MOSPD1: variants seen among roughly 807,000 people sequenced by gnomAD.
The protein encoded by MOSPD1 is motile sperm domain-containing protein 1.
In MOSPD1, 5 loss-of-function variants were observed where a neutral mutation model predicts 16.7. The observed-to-expected ratio is 0.30, with a 90% CI of 0.16 to 0.63. MOSPD1 has a LOEUF of 0.63. MOSPD1 is among the 30% of genes least tolerant of loss of function. MOSPD1 has a pLI of 0.82. For synonymous variants in MOSPD1, 67 were observed against 59.2 expected (o/e 1.13, Z -0.61); for missense variants, 104 against 153.6 (o/e 0.68, Z 1.71).
chrX:134,902,427 A>ATAAAT (rs397801364), intron 1 of MOSPD1, among the ~76,000 whole-genome samples: 1 of 110,153 alleles, frequency 9.1e-6, no homozygotes, highest in Non-Finnish European at 1.9e-5. Flanking sequence ...AAATAAATAA[A>ATAAAT]ACAAAAAACC....
chrX:134,911,621 G>A (rs941275529), intron 1 of MOSPD1, among the ~76,000 whole-genome samples: 23 of 112,316 alleles, frequency 2.0e-4, no homozygotes, highest in Non-Finnish European at 3.9e-4. Flanking sequence ...CTCACTGAGA[G>A]TTAGCAAATT....
chrX:134,894,522 T>C (rs1198588170), intron 4 of MOSPD1, among the ~76,000 whole-genome samples: 1 of 112,162 alleles, frequency 8.9e-6, no homozygotes, highest in Non-Finnish European at 1.9e-5. Flanking sequence ...TGTTGGAAAC[T>C]ACACATAAAT....
intron 1 of MOSPD1, among the ~76,000 whole-genome samples, chrX:134,900,736 CT>C (rs764421916): frequency 0.012 from 1,266 of 101,863 alleles, 17 homozygotes; most frequent in African/African-American, 0.035. Flanking sequence ...CCAAGTGTGC[CT>C]TTTTTTTTTT....
intron 1 of MOSPD1, among the ~76,000 whole-genome samples, chrX:134,907,728 G>A (rs932746232): frequency 1.8e-5 from 2 of 112,411 alleles, no homozygotes; most frequent in African/African-American, 3.2e-5. Context: ...TTAGCTGGGC[G>A]TGGTAGTGCA....
intron 1 of MOSPD1, among the ~76,000 whole-genome samples, chrX:134,905,452 G>A (rs1239735790): frequency 2.7e-5 from 3 of 109,350 alleles, no homozygotes; most frequent in African/African-American, 6.6e-5. Context: ...AAGGATATCC[G>A]CGTTTGTCCC....
At position 134,898,355 on chromosome X, in the gene MOSPD1, G is replaced by A. The variant is rs373080857; in HGVS notation, c.230+735C>T. ...AAAATTTTTAAAAATGTGCAAAAACGTTCTCAAAGATACATCATTTTATGG... is the reference window on the plus strand; with the variant it reads ...AAAATTTTTAAAAATGTGCAAAAACATTCTCAAAGATACATCATTTTATGG... On this transcript the variant is annotated intron_variant, in intron 3 of 5. Coordinates refer to ENST00000370783, the MANE Select transcript of MOSPD1 (RefSeq NM_019556.3). 5.4e-5 allele frequency among the ~76,000 whole-genome samples: 6 copies of A among 112,035 alleles called. No homozygotes were observed. In the East Asian group the frequency reaches 8.4e-4, roughly 16 times the overall value.
chrX:134,914,261 ATC>A (rs1408075050), intron 1 of MOSPD1, among the ~76,000 whole-genome samples: 1 of 112,094 alleles, frequency 8.9e-6, no homozygotes, highest in African/African-American at 3.2e-5. Flanking sequence ...CCGACGTGAG[ATC>A]TCTCAGATTC....
At chrX:134,905,564 T>A (rs202130152) in intron 1 of MOSPD1, among the ~76,000 whole-genome samples, 1 of 105,714 alleles carries the variant, frequency 9.5e-6, no homozygotes, top group Non-Finnish European at 1.9e-5. Flanking sequence ...AACGAATATT[T>A]AAAAAAAAAA....
At chrX:134,913,140 G>C (rs895419052) in intron 1 of MOSPD1, among the ~76,000 whole-genome samples, 1 of 109,593 alleles carries the variant, frequency 9.1e-6, no homozygotes, top group African/African-American at 3.4e-5. Flanking sequence ...TTGGGAGACC[G>C]AGGGGGGGCA....
intron 1 of MOSPD1, among the ~76,000 whole-genome samples, chrX:134,907,235 T>C (rs1161504358): frequency 9.1e-6 from 1 of 109,639 alleles, no homozygotes; most frequent in Non-Finnish European, 1.9e-5. Flanking sequence ...CTCAAAAAAA[T>C]AAAAAAAATA....
chrX:134,898,978 A>G lies in MOSPD1; in HGVS notation c.230+112T>C, dbSNP rs1049681530. 1.7e-5 allele frequency: 11 copies of G among 659,300 alleles called. No homozygotes were observed. The African/African-American group carries it at 2.4e-4, about 15-fold the overall frequency. The allele number at this position is 659,300 out of a possible 1,213,427, so 54.3% of individuals were successfully genotyped here. A position where few individuals can be genotyped will look rare whatever the true frequency, so the allele number is the denominator to read the frequency against. ...CAAACTTTCGGCAAAAATTCAAAAT[A>G]TAATAAATGCCTATGTGAGAACAGC... On this transcript the variant is annotated intron_variant, in intron 3 of 5. Transcript: ENST00000370783.
intron 1 of MOSPD1, among the ~76,000 whole-genome samples, chrX:134,914,936 C>T (rs1393759194): frequency 1.8e-5 from 2 of 112,656 alleles, no homozygotes; most frequent in Non-Finnish European, 3.8e-5. Flanking sequence ...GCTGGCCAGA[C>T]CCTGGGGCCG....
At chrX:134,904,112 A>G (rs185689950) in intron 1 of MOSPD1, among the ~76,000 whole-genome samples, 52 of 112,714 alleles carry the variant, frequency 4.6e-4, no homozygotes, top group African/African-American at 1.7e-3. Context: ...ATTCATCTGT[A>G]TAACTTTTTA....
chrX:134,893,765 T>G (rs1376805054), intron 4 of MOSPD1, among the ~76,000 whole-genome samples: 1 of 111,899 alleles, frequency 8.9e-6, no homozygotes, highest in African/African-American at 3.2e-5. Context: ...CATTCATCAT[T>G]CTATCAGATC....
At chrX:134,911,535 T>C (rs2082971482) in intron 1 of MOSPD1, among the ~76,000 whole-genome samples, 1 of 112,425 alleles carries the variant, frequency 8.9e-6, no homozygotes, top group South Asian at 3.7e-4. Flanking sequence ...CAAGAGCAAG[T>C]TCTTTGTGTT....
chrX:134,906,734 C>T (rs751401590), intron 1 of MOSPD1, among the ~76,000 whole-genome samples: 19 of 111,650 alleles, frequency 1.7e-4, no homozygotes, highest in Admixed American at 5.8e-4. Flanking sequence ...TACTGCAAAT[C>T]GGTTTATGAG....
Position 134,895,121 on chromosome X carries a change from C to A in MOSPD1, c.448+1696G>T, listed in dbSNP as rs763854042. Among the ~76,000 whole-genome samples the A allele has an allele frequency of 4.5e-5, 5 of 111,082 alleles. No individual in the cohort carries two copies. In the South Asian group the frequency reaches 1.9e-3, roughly 42 times the overall value. On this transcript the variant is annotated intron_variant, in intron 4 of 5. Transcript: ENST00000370783. The stretch of plus-strand genomic sequence containing the variant: ...CCTGTAATCCCAGTACTTTAGGAGG[C>A]TGAGGCAGGAGGATTGCTTGAGGCT...
intron 5 of MOSPD1, among the ~76,000 whole-genome samples, chrX:134,890,257 A>G (rs1051056762): frequency 1.8e-4 from 20 of 110,447 alleles, no homozygotes; most frequent in African/African-American, 6.6e-4. Flanking sequence ...AAGTAGCTAG[A>G]TAAAATTGGC....
intron 4 of MOSPD1, among the ~76,000 whole-genome samples, chrX:134,893,600 T>TG (rs1249412242): frequency 8.9e-6 from 1 of 111,941 alleles, no homozygotes; most frequent in East Asian, 2.8e-4. Flanking sequence ...TGTTAACAGC[T>TG]TGGTATGTAT....
Sources: gnomAD v4.1 joint callset for allele counts (sites outside exome capture counted in the v4.1 genomes callset) on GRCh38, gnomAD v4.1.1 for gene constraint, MANE v1.5 for transcripts, NCBI Gene and HGNC (gene_info 2026-07-23, HGNC 2026-07-21) for gene names.